GRK5: variants seen among roughly 807,000 people sequenced by gnomAD.
GRK5 encodes the protein G protein-coupled receptor kinase 5.
A neutral mutation model predicts 78.4 loss-of-function variants in GRK5; 40 were observed. The observed-to-expected ratio is 0.51, with a 90% CI of 0.40 to 0.66. The LOEUF (loss-of-function observed/expected upper bound fraction) is 0.66, where lower values mean the gene tolerates loss of function less well. Ranked by LOEUF, GRK5 falls within the 30% of genes least tolerant of loss-of-function variation. GRK5 has a pLI of 0.00. For missense variants in GRK5, 598 were observed against 759.9 expected, an observed-to-expected ratio of 0.79 and a Z score of 2.50; for synonymous variants, 289 against 296.8, an observed-to-expected ratio of 0.97 and a Z score of 0.27.
intron 1 of GRK5, among the ~76,000 whole-genome samples, chr10:119,242,313 C>T (rs913881433): frequency 6.6e-5 from 10 of 151,904 alleles, no homozygotes; most frequent in African/African-American, 2.2e-4. Context: ...AGCTTAGTCT[C>T]AGCTCTGAGG....
At chr10:119,231,288 A>T (rs1848824770) in intron 1 of GRK5, among the ~76,000 whole-genome samples, 1 of 152,192 alleles carries the variant, frequency 6.6e-6, no homozygotes, top group South Asian at 2.1e-4. Context: ...AAAAGAAGAC[A>T]TACACACCAC....
intron 1 of GRK5, among the ~76,000 whole-genome samples, chr10:119,308,888 G>T (rs1485285942): frequency 2.0e-5 from 3 of 152,210 alleles, no homozygotes; most frequent in Non-Finnish European, 4.4e-5. Flanking sequence ...TGGCAGGATG[G>T]CCTGCCGGCC....
At chr10:119,345,016 T>C (rs1214690377) in intron 2 of GRK5, among the ~76,000 whole-genome samples, 1 of 147,474 alleles carries the variant, frequency 6.8e-6, no homozygotes, top group East Asian at 2.2e-4. Context: ...TCTCCCAGGC[T>C]GGAGTGCAGT....
At chr10:119,216,466 G>A (rs1437322202) in intron 1 of GRK5, among the ~76,000 whole-genome samples, 5 of 152,072 alleles carry the variant, frequency 3.3e-5, no homozygotes, top group Non-Finnish European at 5.9e-5. Flanking sequence ...CTCTGTTTCC[G>A]GCATAGAGGT....
At chr10:119,450,803 C>T (rs1281198546) in intron 13 of GRK5, among the ~76,000 whole-genome samples, 2 of 152,128 alleles carry the variant, frequency 1.3e-5, no homozygotes, top group African/African-American at 2.4e-5. Context: ...CTGCCTCAGC[C>T]GTGTACCCTG....
chr10:119,439,689 C>T (rs760606205), intron 9 of GRK5, 42 bp from the exon 10 acceptor site: 1 of 1,606,224 alleles, frequency 6.2e-7, no homozygotes, highest in South Asian at 1.1e-5. Context: ...TCCTACCTGC[C>T]CAGAATGCCC....
intron 1 of GRK5, among the ~76,000 whole-genome samples, chr10:119,308,561 A>C (rs1279873663): frequency 6.6e-6 from 1 of 152,188 alleles, no homozygotes; most frequent in African/African-American, 2.4e-5. Context: ...AGGTGAACAC[A>C]GTCGGGATGA....
chr10:119,215,997 G>C (rs1848565622), intron 1 of GRK5, among the ~76,000 whole-genome samples: 1 of 152,212 alleles, frequency 6.6e-6, no homozygotes, highest in South Asian at 2.1e-4. Context: ...AGATGCCAAA[G>C]AAACTCACTG....
intron 2 of GRK5, 101 bp from the exon 3 acceptor site, chr10:119,380,714 C>G: frequency 1.5e-6 from 1 of 678,760 alleles, no homozygotes; most frequent in Non-Finnish European, 2.6e-6. Flanking sequence ...AGTCACCTTC[C>G]TCCATCCATC....
chr10:119,455,048 A>T lies in GRK5; in HGVS notation c.1754A>T (p.Asn585Ile), dbSNP rs762365089. The T allele has an allele frequency of 3.1e-6, 5 of 1,613,794 alleles. No individual in the cohort carries two copies. Among genetic ancestry groups the T allele is most frequent in the Non-Finnish European group, 8.5e-7 (1 of 1,179,770 alleles). ...ATAAACTCAAACCATGTCAGCTCGA[A>T]CTCCACCGGAAGCAGCTAGTTTCGG... Reference protein sequence around the residue: ...HHINSNHVSSNSTGSS With the variant: ...HHINSNHVSSISTGSS Residue 585 changes from asparagine (N) to isoleucine (I), a missense_variant, in exon 16 of 16, where the codon AAC (asparagine) becomes ATC (isoleucine). By Grantham distance (149) the Asn-to-Ile change is moderately radical (BLOSUM62 -3). Transcript: ENST00000392870.
At chr10:119,382,931 T>G (rs1333451299) in intron 3 of GRK5, among the ~76,000 whole-genome samples, 1 of 152,112 alleles carries the variant, frequency 6.6e-6, no homozygotes, top group Non-Finnish European at 1.5e-5. Flanking sequence ...TTCTTTTTTT[T>G]TTGTTTTTGA....
intron 3 of GRK5, among the ~76,000 whole-genome samples, chr10:119,387,149 T>C (rs1427174812): frequency 6.6e-6 from 1 of 152,028 alleles, no homozygotes. Flanking sequence ...GGATTACAGG[T>C]GCGCACCACC....
At chr10:119,420,724 A>G (rs1292605318) in intron 4 of GRK5, among the ~76,000 whole-genome samples, 1 of 152,016 alleles carries the variant, frequency 6.6e-6, no homozygotes, top group Non-Finnish European at 1.5e-5. Context: ...GACTACAGGC[A>G]AGCCACCATG....
At chr10:119,288,968 AG>A (rs1366649840) in intron 1 of GRK5, among the ~76,000 whole-genome samples, 1 of 152,214 alleles carries the variant, frequency 6.6e-6, no homozygotes, top group East Asian at 1.9e-4. Flanking sequence ...CCTGCACAAG[AG>A]GGCTGAGTCT....
chr10:119,421,340 C>G (rs909621115), intron 4 of GRK5, among the ~76,000 whole-genome samples: 1 of 152,214 alleles, frequency 6.6e-6, no homozygotes, highest in African/African-American at 2.4e-5. Context: ...TTCTCCAAGT[C>G]TTAGAGGCAC....
At chr10:119,344,277 C>G (rs1006410641) in intron 2 of GRK5, among the ~76,000 whole-genome samples, 11 of 151,752 alleles carry the variant, frequency 7.2e-5, no homozygotes, top group Non-Finnish European at 1.6e-4. Flanking sequence ...TGTGCTGCAC[C>G]CATTAACTCG....
At chr10:119,347,606 G>A (rs1325797768) in intron 2 of GRK5, among the ~76,000 whole-genome samples, 4 of 152,264 alleles carry the variant, frequency 2.6e-5, no homozygotes, top group Non-Finnish European at 5.9e-5. Context: ...AGACAAGGCC[G>A]GGACGGCAAT....
chr10:119,339,793 T>G (rs758383224), intron 2 of GRK5, among the ~76,000 whole-genome samples: 3 of 151,780 alleles, frequency 2.0e-5, no homozygotes, highest in African/African-American at 7.3e-5. Context: ...ACTTGGGAGG[T>G]TGAGGCAGGA....
chr10:119,395,918 G>A (rs1473200011), intron 3 of GRK5, among the ~76,000 whole-genome samples: 2 of 152,166 alleles, frequency 1.3e-5, no homozygotes, highest in Admixed American at 6.5e-5. Context: ...ACGAGGGGTT[G>A]GGATGGCAGC....
Sources: gnomAD v4.1 joint callset for allele counts (sites outside exome capture counted in the v4.1 genomes callset) on GRCh38, gnomAD v4.1.1 for gene constraint, MANE v1.5 for transcripts, NCBI Gene and HGNC (gene_info 2026-07-23, HGNC 2026-07-21) for gene names.